The following PPM1L variants were observed in gnomAD, a reference collection of about 807,000 sequenced individuals.
PPM1L encodes protein phosphatase 1L.
Under a neutral mutation model 31.4 loss-of-function variants are expected in PPM1L, and 13 were observed. The ratio of observed to expected loss-of-function variants is 0.41; its 90% CI spans 0.27 to 0.66. PPM1L has a LOEUF of 0.66. Among genes scored for constraint, PPM1L ranks in the 30% least tolerant of loss-of-function variants. The pLI, the probability that PPM1L is intolerant of heterozygous loss-of-function variation, is 0.29. For synonymous variants in PPM1L, 184 were observed against 175.4 expected (o/e 1.05, Z -0.39); for missense variants, 326 against 453.7 (o/e 0.72, Z 2.56).
intron 1 of PPM1L, among the ~76,000 whole-genome samples, chr3:160,909,400 A>G (rs1444418932): frequency 6.6e-6 from 1 of 152,146 alleles, no homozygotes; most frequent in Admixed American, 6.5e-5. Context: ...AGACAGTAGA[A>G]AAGAAAGAGC....
At position 161,003,890 on chromosome 3, in the gene PPM1L, G is replaced by A. The variant is rs1211030029; in HGVS notation, c.574+41980G>A. The stretch of plus-strand genomic sequence containing the variant: ...TCCAACACTATGTTGAATAGGAGTG[G>A]TGAGAGAGGGCATCCCTGTCTTGTG... On this transcript the variant is annotated intron_variant, in intron 2 of 3. Transcript: ENST00000498165. 3.7e-4 allele frequency among the ~76,000 whole-genome samples: 56 copies of A among 150,794 alleles called. 1 individual carries two copies. The South Asian group carries it at 0.01, about 27-fold the overall frequency.
At chr3:160,873,851 A>G (rs1016051693) in intron 1 of PPM1L, among the ~76,000 whole-genome samples, 23 of 152,156 alleles carry the variant, frequency 1.5e-4, no homozygotes, top group African/African-American at 4.8e-4. Context: ...AATACACGTC[A>G]CTATGAGAAA....
chr3:161,058,118 CTTTTTTTTTTTT>C (rs1186931971), intron 2 of PPM1L, among the ~76,000 whole-genome samples: 4 of 54,926 alleles, frequency 7.3e-5, no homozygotes, highest in Non-Finnish European at 1.1e-4. Flanking sequence ...ATTTTCTTTC[CTTTTTTTTTTTT>C]TTTTTTTTTT....
intron 1 of PPM1L, among the ~76,000 whole-genome samples, chr3:160,930,263 A>AC (rs11419462): frequency 8.0e-6 from 1 of 124,958 alleles, no homozygotes; most frequent in Non-Finnish European, 1.5e-5. Flanking sequence ...GCAGTCCCTT[A>AC]AAAAAAAAAA....
chr3:160,761,585 A>G (rs1268531062), intron 1 of PPM1L, among the ~76,000 whole-genome samples: 1 of 152,194 alleles, frequency 6.6e-6, no homozygotes, highest in African/African-American at 2.4e-5. Flanking sequence ...AAATGTGCAG[A>G]CTTTTATGGA....
intron 2 of PPM1L, among the ~76,000 whole-genome samples, chr3:161,064,266 C>G (rs1279763699): frequency 2.0e-5 from 3 of 150,546 alleles, no homozygotes; most frequent in Admixed American, 6.6e-5. Flanking sequence ...ACTCCAGAGG[C>G]TGAGGTGGGG....
Position 160,903,091 on chromosome 3 carries a change from G to A in PPM1L, c.400-58645G>A, listed in dbSNP as rs142791227. On this transcript the variant is annotated intron_variant, in intron 1 of 3. Coordinates refer to ENST00000498165, the MANE Select transcript of PPM1L (RefSeq NM_139245.4). ...TAGATTGTTGTAGAGACAGTGATAC[G>A]AAATCATTGCCCAAGGTTAGGTGTG... Among the ~76,000 whole-genome samples the A allele has an allele frequency of 5.7e-4, 86 of 151,858 alleles. No homozygotes were observed. The East Asian group carries it at 0.013, about 24-fold the overall frequency.
rs540924171 is a variant in PPM1L, at chr3:160,772,776, C to T, written c.399+16069C>T. ...TTAATCTACTTTCTGTCACTATAGA[C>T]TAGTTTGCATTTTGTAAAACTTTAT... On this transcript the variant is annotated intron_variant, in intron 1 of 3. Transcript: ENST00000498165. Among the ~76,000 whole-genome samples the T allele has an allele frequency of 2.6e-5, 4 of 152,250 alleles. No individual in the cohort carries two copies. The East Asian group carries it at 7.7e-4, about 29-fold the overall frequency.
At chr3:160,973,155 C>G (rs1716410545) in intron 2 of PPM1L, among the ~76,000 whole-genome samples, 1 of 152,146 alleles carries the variant, frequency 6.6e-6, no homozygotes, top group South Asian at 2.1e-4. Context: ...AAACCAGAAA[C>G]CACAAAGGAA....
intron 1 of PPM1L, among the ~76,000 whole-genome samples, chr3:160,931,584 A>G (rs2108079600): frequency 6.6e-6 from 1 of 152,366 alleles, no homozygotes; most frequent in East Asian, 1.9e-4. Context: ...AGATGGGAGA[A>G]GAGCAGGGAT....
intron 2 of PPM1L, among the ~76,000 whole-genome samples, chr3:161,049,303 A>G (rs1054892598): frequency 1.3e-5 from 2 of 151,762 alleles, no homozygotes; most frequent in South Asian, 4.2e-4. Context: ...CCAAAACAAA[A>G]CAAAACAAAA....
chr3:160,944,946 CT>C (rs1715328389), intron 1 of PPM1L, among the ~76,000 whole-genome samples: 18 of 58,194 alleles, frequency 3.1e-4, no homozygotes, highest in South Asian at 7.7e-4. Flanking sequence ...TTATATATAA[CT>C]ATATATAACT....
intron 1 of PPM1L, among the ~76,000 whole-genome samples, chr3:160,870,002 C>T (rs143640524): frequency 2.1e-3 from 315 of 152,302 alleles, no homozygotes; most frequent in Non-Finnish European, 3.7e-3. Context: ...TCAATCCCTC[C>T]TGATAGATAT....
intron 1 of PPM1L, among the ~76,000 whole-genome samples, chr3:160,940,324 A>C (rs1264101805): frequency 6.6e-6 from 1 of 152,216 alleles, no homozygotes; most frequent in African/African-American, 2.4e-5. Flanking sequence ...CAGCTGCAGA[A>C]ATTTGCATAA....
At chr3:160,844,351 CA>C (rs546888949) in intron 1 of PPM1L, among the ~76,000 whole-genome samples, 17 of 152,146 alleles carry the variant, frequency 1.1e-4, no homozygotes, top group Non-Finnish European at 2.1e-4. Context: ...ATTCCATGGG[CA>C]AAAAGGGACT....
Position 160,960,900 on chromosome 3 carries a change from T to C in PPM1L, c.400-836T>C, listed in dbSNP as rs572867149. On this transcript the variant is annotated intron_variant, in intron 1 of 3. Coordinates refer to ENST00000498165, the MANE Select transcript of PPM1L (RefSeq NM_139245.4). ...TACCAGAAGAACATATCAGAATCTTTGGGAAAATCTTTTCAAAATATGCAT... is the reference window on the plus strand; with the variant it reads ...TACCAGAAGAACATATCAGAATCTTCGGGAAAATCTTTTCAAAATATGCAT... Among the ~76,000 whole-genome samples the C allele has an allele frequency of 2.6e-4, 40 of 152,278 alleles. No homozygotes were observed. In the East Asian group the frequency reaches 3.1e-3, roughly 12 times the overall value.
rs138520259 is a variant in PPM1L, at chr3:160,778,960, T to C, written c.399+22253T>C. ...TTCTTTTTTACCTTTTTGTGCATAA[T>C]CCACAATAAGAGGGCTCAGTTGGTC... On this transcript the variant is annotated intron_variant, in intron 1 of 3. Transcript: ENST00000498165. Among the ~76,000 whole-genome samples, 344 of 152,292 alleles carry C rather than the reference T, an allele frequency of 2.3e-3. 1 individual carries two copies. The highest frequency in any genetic ancestry group is 7.8e-3 in the African/African-American group (324 of 41,556).
intron 1 of PPM1L, among the ~76,000 whole-genome samples, chr3:160,792,698 C>T (rs2108073772): frequency 6.6e-6 from 1 of 152,296 alleles, no homozygotes; most frequent in Non-Finnish European, 1.5e-5. Context: ...CCAGACTATC[C>T]AGACTATCTA....
intron 1 of PPM1L, among the ~76,000 whole-genome samples, chr3:160,807,001 G>A (rs1560112119): frequency 6.6e-6 from 1 of 152,084 alleles, no homozygotes; most frequent in Non-Finnish European, 1.5e-5. Flanking sequence ...TAATATCCAG[G>A]CCACGTCTAG....
Sources: allele counts gnomAD v4.1 joint callset (sites outside exome capture counted in the v4.1 genomes callset), GRCh38; gene constraint gnomAD v4.1.1; transcripts MANE v1.5; gene names NCBI Gene and HGNC (gene_info 2026-07-23, HGNC 2026-07-21).